The following PRKG2 variants were observed in gnomAD, a reference collection of about 807,000 sequenced individuals.
PRKG2 encodes cGMP-dependent protein kinase 2.
A neutral mutation model predicts 97.2 loss-of-function variants in PRKG2; 33 were observed. That is an observed-to-expected ratio of 0.34 (90% CI 0.26 to 0.45). The LOEUF is 0.45. Ranked by LOEUF, PRKG2 falls within the 20% of genes least tolerant of loss-of-function variation. The pLI, the probability that PRKG2 is intolerant of heterozygous loss-of-function variation, is 1.00. For synonymous variants in PRKG2, 330 were observed against 321.8 expected (o/e 1.03, Z -0.27); for missense variants, 638 against 900.0 (o/e 0.71, Z 3.73).
chr4:81,164,033 G>A (rs1749786753), intron 6 of PRKG2, among the ~76,000 whole-genome samples: 1 of 152,112 alleles, frequency 6.6e-6, no homozygotes, highest in Non-Finnish European at 1.5e-5. Flanking sequence ...GAAGTTTTAA[G>A]GCAAGCACAC....
At chr4:81,182,622 A>G (rs182227920) in intron 2 of PRKG2, among the ~76,000 whole-genome samples, 1 of 152,082 alleles carries the variant, frequency 6.6e-6, no homozygotes, top group Non-Finnish European at 1.5e-5. Flanking sequence ...TATTCTTTCC[A>G]AAAGATATGA....
intron 15 of PRKG2, among the ~76,000 whole-genome samples, chr4:81,108,998 G>A (rs1233931057): frequency 6.6e-6 from 1 of 152,142 alleles, no homozygotes; most frequent in Non-Finnish European, 1.5e-5. Flanking sequence ...ATTACCTATA[G>A]AAGCCAGCAT....
At chr4:81,154,434 G>A (rs1748778465) in intron 6 of PRKG2, among the ~76,000 whole-genome samples, 1 of 151,250 alleles carries the variant, frequency 6.6e-6, no homozygotes, top group South Asian at 2.1e-4. Context: ...AGAACGGGCA[G>A]ACTGCCTCCT....
intron 2 of PRKG2, among the ~76,000 whole-genome samples, chr4:81,178,853 G>C (rs1029674499): frequency 6.6e-6 from 1 of 152,068 alleles, no homozygotes; most frequent in Non-Finnish European, 1.5e-5. Flanking sequence ...CAGGCAGAGT[G>C]CAGTGCCTCA....
intron 2 of PRKG2, among the ~76,000 whole-genome samples, chr4:81,190,899 G>A (rs775516083): frequency 1.7e-4 from 26 of 152,276 alleles, no homozygotes; most frequent in Non-Finnish European, 2.6e-4. Flanking sequence ...TCTCATGCCA[G>A]GTAGAATGGT....
chr4:81,165,848 A>G (rs1749935495), intron 6 of PRKG2, among the ~76,000 whole-genome samples: 1 of 152,126 alleles, frequency 6.6e-6, no homozygotes. Context: ...CTAAATTTTC[A>G]TATTTGCTGT....
chr4:81,213,299 T>G (rs1754102550), intron 1 of PRKG2, among the ~76,000 whole-genome samples: 1 of 152,156 alleles, frequency 6.6e-6, no homozygotes, highest in Non-Finnish European at 1.5e-5. Flanking sequence ...TTGTTACCTA[T>G]GAACATATAG....
chr4:81,105,849 G>C lies in PRKG2; in HGVS notation c.2027C>G (p.Thr676Arg), dbSNP rs781379008. The C allele has an allele frequency of 1.7e-5, 27 of 1,613,692 alleles. No individual in the cohort carries two copies. The Admixed American group carries it at 4.0e-4, about 24-fold the overall frequency. Residue 676 changes from threonine to arginine, a missense_variant, in exon 16 of 19, where the codon ACA becomes AGA. By Grantham distance (71) the Thr-to-Arg change is moderately conservative (BLOSUM62 -1). Around this residue, in one of 3 missense-constraint regions of PRKG2, gnomAD observed 304 missense variants for 460.5 expected, o/e 0.66. Transcript: ENST00000264399. ...IEKMDFPRKI[T>R]RRPEDLIRRL... ...CCGAATCAAATCCTCAGGTCGTCGT[G>C]TTATCTTCCTGGGAAAATCCATTTT...
At chr4:81,094,611 A>G (rs534978579) in intron 17 of PRKG2, among the ~76,000 whole-genome samples, 2 of 152,258 alleles carry the variant, frequency 1.3e-5, no homozygotes, top group African/African-American at 4.8e-5. Context: ...ATAAAGTGGT[A>G]GATGATGTCG....
intron 14 of PRKG2, among the ~76,000 whole-genome samples, chr4:81,121,845 C>T (rs1169083444): frequency 6.6e-6 from 1 of 152,000 alleles, no homozygotes; most frequent in African/African-American, 2.4e-5. Flanking sequence ...CAGTAAACAC[C>T]CTAGCATAGT....
chr4:81,144,053 A>G (rs1257661016), intron 10 of PRKG2, among the ~76,000 whole-genome samples, 179 bp downstream of exon 10: 1 of 152,194 alleles, frequency 6.6e-6, no homozygotes, highest in Non-Finnish European at 1.5e-5. Flanking sequence ...AATAGATAAT[A>G]TCCATTCTAG....
chr4:81,116,336 C>T (rs1744516697), intron 14 of PRKG2, among the ~76,000 whole-genome samples: 1 of 152,128 alleles, frequency 6.6e-6, no homozygotes, highest in South Asian at 2.1e-4. Context: ...CCCTCCAGCT[C>T]CAACCATGTT....
intron 12 of PRKG2, among the ~76,000 whole-genome samples, chr4:81,138,280 G>A (rs1182217188): frequency 2.0e-5 from 3 of 152,158 alleles, no homozygotes; most frequent in Non-Finnish European, 4.4e-5. Context: ...TCAACCTTGT[G>A]TAAAAGCAGT....
intron 11 of PRKG2, among the ~76,000 whole-genome samples, chr4:81,141,147 A>G (rs1174879301): frequency 6.6e-6 from 1 of 152,004 alleles, no homozygotes; most frequent in Non-Finnish European, 1.5e-5. Context: ...AGTAGCTGGG[A>G]CTACAGGTAT....
chr4:81,168,268 C>G (rs1750162251), intron 5 of PRKG2, among the ~76,000 whole-genome samples: 1 of 152,048 alleles, frequency 6.6e-6, no homozygotes, highest in South Asian at 2.1e-4. Context: ...AAAATATTTT[C>G]TCTGTCTCCC....
intron 17 of PRKG2, among the ~76,000 whole-genome samples, chr4:81,101,260 T>C (rs1742729832): frequency 6.6e-6 from 1 of 152,188 alleles, no homozygotes; most frequent in Admixed American, 6.5e-5. Flanking sequence ...TAAAAACACA[T>C]GCACACGTAC....
At chr4:81,108,055 A>G (rs1352827627) in intron 15 of PRKG2, among the ~76,000 whole-genome samples, 1 of 151,950 alleles carries the variant, frequency 6.6e-6, no homozygotes, top group African/African-American at 2.4e-5. Flanking sequence ...AAATACAAAA[A>G]TCAGCTGGGC....
At chr4:81,121,596 C>T (rs941119749) in intron 14 of PRKG2, among the ~76,000 whole-genome samples, 1 of 141,076 alleles carries the variant, frequency 7.1e-6, no homozygotes, top group Non-Finnish European at 1.5e-5. Flanking sequence ...GAGCTCTTCA[C>T]AGTTCACAGT....
In PRKG2 at chr4:81,166,509, G is replaced by A. The variant is rs539249381; in HGVS notation, c.912+652C>T. On this transcript the variant is annotated intron_variant, in intron 6 of 18. Coordinates refer to ENST00000264399, the MANE Select transcript of PRKG2 (RefSeq NM_006259.3). ...AAGACGTTTTCACAAAATGCATATC[G>A]TTAGAATCCAAGGTACATGTCGTAA... Among the ~76,000 whole-genome samples, 13 of 152,058 alleles carry A rather than the reference G, an allele frequency of 8.5e-5. 1 individual carries two copies. The highest frequency in any genetic ancestry group is 2.9e-4 in the African/African-American group (12 of 41,486).
Sources: gnomAD v4.1 joint callset for allele counts (sites outside exome capture counted in the v4.1 genomes callset) on GRCh38, gnomAD v4.1.1 for gene constraint, gnomAD v4.1.1 regional missense constraint, MANE v1.5 for transcripts, NCBI Gene and HGNC (gene_info 2026-07-23, HGNC 2026-07-21) for gene names.